The following TNIK variants were observed in gnomAD, a reference collection of about 807,000 sequenced individuals.
The protein encoded by TNIK is TRAF2 and NCK interacting kinase.
TNIK carries 49 observed loss-of-function variants against 191.3 expected under a neutral mutation model. That is an observed-to-expected ratio of 0.26 (90% CI 0.20 to 0.32). The LOEUF is 0.32. Among genes scored for constraint, TNIK ranks in the 10% least tolerant of loss-of-function variants. The pLI is 1.00. For missense variants in TNIK, 1,155 were observed against 1,702.3 expected, an observed-to-expected ratio of 0.68 and a Z score of 5.66; for synonymous variants, 594 against 600.9, an observed-to-expected ratio of 0.99 and a Z score of 0.17.
chr3:171,324,307 A>G (rs1755508569), intron 2 of TNIK, among the ~76,000 whole-genome samples: 1 of 152,156 alleles, frequency 6.6e-6, no homozygotes, highest in Non-Finnish European at 1.5e-5. Context: ...AAATTGGGTC[A>G]GAGTCTCTCA....
At chr3:171,099,428 C>T (rs1389613788) in intron 22 of TNIK, among the ~76,000 whole-genome samples, 1 of 151,422 alleles carries the variant, frequency 6.6e-6, no homozygotes, top group Non-Finnish European at 1.5e-5. Flanking sequence ...TGGCTATACA[C>T]TCTTCAAAGT....
chr3:171,110,070 A>G (rs540505855), intron 19 of TNIK, among the ~76,000 whole-genome samples: 1 of 152,078 alleles, frequency 6.6e-6, no homozygotes, highest in South Asian at 2.1e-4. Context: ...ACGCCAGGCT[A>G]ATTTTTTGTA....
At chr3:171,457,393 T>C (rs972364177) in intron 1 of TNIK, among the ~76,000 whole-genome samples, 2 of 152,170 alleles carry the variant, frequency 1.3e-5, no homozygotes, top group African/African-American at 4.8e-5. Context: ...GAGCATTGAC[T>C]GTGTACATTA....
chr3:171,304,603 A>T (rs1753218965), intron 2 of TNIK, among the ~76,000 whole-genome samples: 1 of 152,210 alleles, frequency 6.6e-6, no homozygotes, highest in African/African-American at 2.4e-5. Flanking sequence ...AAGACTTGGA[A>T]CCAACCCAAA....
At chr3:171,332,346 T>C (rs1474383553) in intron 2 of TNIK, among the ~76,000 whole-genome samples, 1 of 152,260 alleles carries the variant, frequency 6.6e-6, no homozygotes, top group Non-Finnish European at 1.5e-5. Flanking sequence ...AACAATATAA[T>C]TGTGCATAAA....
chr3:171,251,029 G>A (rs979457382), intron 2 of TNIK, among the ~76,000 whole-genome samples: 2 of 152,160 alleles, frequency 1.3e-5, no homozygotes, highest in Non-Finnish European at 2.9e-5. Flanking sequence ...AATGACTGAA[G>A]CTCTCATCTA....
At chr3:171,175,923 A>G (rs755367391) in intron 8 of TNIK, among the ~76,000 whole-genome samples, 63 of 152,322 alleles carry the variant, frequency 4.1e-4, no homozygotes, top group Non-Finnish European at 7.8e-4. Context: ...TGGCCCCAGG[A>G]AGCCCAGAGG....
At chr3:171,264,111 C>CATATATAT (rs1167898609) in intron 2 of TNIK, among the ~76,000 whole-genome samples, 1 of 61,016 alleles carries the variant, frequency 1.6e-5, no homozygotes, top group East Asian at 3.6e-4. Context: ...CACACACACA[C>CATATATAT]ATATATATAT....
At chr3:171,449,475 T>C (rs1727918754) in intron 1 of TNIK, among the ~76,000 whole-genome samples, 1 of 152,234 alleles carries the variant, frequency 6.6e-6, no homozygotes, top group African/African-American at 2.4e-5. Flanking sequence ...TTTTAAAAGT[T>C]ATGCCATAGA....
At chr3:171,431,549 TTAAG>T (rs1214502210) in intron 1 of TNIK, among the ~76,000 whole-genome samples, 1 of 152,178 alleles carries the variant, frequency 6.6e-6, no homozygotes, top group Non-Finnish European at 1.5e-5. Context: ...TGAGCCTACA[TTAAG>T]TTTTAAAATC....
rs111277464 is a variant in TNIK, at chr3:171,065,957, G to A, written c.3999+230C>T. The stretch of plus-strand genomic sequence containing the variant: ...CATCAAAAGGCCTTTAGGCCACAAA[G>A]GTTTCTAAGAGGTTTACAAGAAATT... On this transcript the variant is annotated intron_variant, in intron 32 of 32. Transcript: ENST00000436636. 6.0e-3 allele frequency among the ~76,000 whole-genome samples: 909 copies of A among 152,236 alleles called. 12 individuals carry two copies. Among genetic ancestry groups the A allele is most frequent in the African/African-American group, 0.021 (858 of 41,540 alleles).
At chr3:171,267,722 GGCAGGAGAAA>G (rs1748561606) in intron 2 of TNIK, among the ~76,000 whole-genome samples, 1 of 152,068 alleles carries the variant, frequency 6.6e-6, no homozygotes, top group Admixed American at 6.5e-5. Flanking sequence ...TTTTAGATAG[GGCAGGAGAAA>G]TAAAGGCAAC....
chr3:171,211,013 AAAG>A (rs1315269392), intron 4 of TNIK, 100 bp downstream of exon 4: 4 of 1,437,616 alleles, frequency 2.8e-6, no homozygotes, highest in African/African-American at 2.9e-5. Flanking sequence ...GCTAATGGTT[AAAG>A]AAGGAGTTAA....
chr3:171,380,892 G>A (rs2108519066), intron 1 of TNIK, among the ~76,000 whole-genome samples: 1 of 152,346 alleles, frequency 6.6e-6, no homozygotes, highest in South Asian at 2.1e-4. Flanking sequence ...TGTAGGAACA[G>A]CCAGGAGCCC....
intron 2 of TNIK, among the ~76,000 whole-genome samples, chr3:171,271,140 T>C (rs1285220820): frequency 1.3e-5 from 2 of 152,246 alleles, no homozygotes; most frequent in African/African-American, 2.4e-5. Context: ...TTATTCTTAC[T>C]GTGCCAGGGT....
intron 15 of TNIK, among the ~76,000 whole-genome samples, chr3:171,130,489 G>A (rs558568045): frequency 1.3e-5 from 2 of 152,296 alleles, no homozygotes; most frequent in South Asian, 4.1e-4. Flanking sequence ...CTTTGTGTGT[G>A]CATGTGTGCG....
intron 2 of TNIK, among the ~76,000 whole-genome samples, chr3:171,334,875 C>CT (rs58249552): frequency 0.023 from 3,387 of 146,044 alleles, 80 homozygotes; most frequent in East Asian, 0.058. Flanking sequence ...TTATAAGTTT[C>CT]TTTTTTTTTT....
intron 2 of TNIK, among the ~76,000 whole-genome samples, chr3:171,281,697 A>G (rs1335225772): frequency 6.6e-6 from 1 of 152,244 alleles, no homozygotes; most frequent in Admixed American, 6.5e-5. Context: ...CTCTCACACA[A>G]ATATACACAT....
rs567724068 is a variant in TNIK at position 171,398,202 on chromosome 3, TC to T, written c.58-28518del. ...TTACTATTAGCACTTTTCAAATCATTCCTCCTTAGACTGTCACCTTTTTCCA... is the reference window on the plus strand; with the variant it reads ...TTACTATTAGCACTTTTCAAATCATTCTCCTTAGACTGTCACCTTTTTCCA... On this transcript the variant is annotated intron_variant, in intron 1 of 32. Coordinates refer to ENST00000436636, the MANE Select transcript of TNIK (RefSeq NM_015028.4). Among the ~76,000 whole-genome samples the T allele has an allele frequency of 3.2e-3, 485 of 152,310 alleles. 2 individuals carry two copies. The highest frequency in any genetic ancestry group is 0.013 in the South Asian group (64 of 4,830).
Sources: gnomAD v4.1 joint callset for allele counts (sites outside exome capture counted in the v4.1 genomes callset) on GRCh38, gnomAD v4.1.1 for gene constraint, MANE v1.5 for transcripts, NCBI Gene and HGNC (gene_info 2026-07-23, HGNC 2026-07-21) for gene names.